FOLH1: variants seen among roughly 807,000 people sequenced by gnomAD.
FOLH1 encodes folate hydrolase 1.
In FOLH1, 54 loss-of-function variants were observed where a neutral mutation model predicts 93.9. That is an observed-to-expected ratio of 0.57 (90% CI 0.46 to 0.72). The LOEUF (loss-of-function observed/expected upper bound fraction) is 0.72, where lower values mean the gene tolerates loss of function less well. Among genes scored for constraint, FOLH1 ranks in the 30% least tolerant of loss-of-function variants. The probability of loss-of-function intolerance (pLI) is 0.00; values close to 1 mark genes in which losing one functional copy is unlikely to be tolerated. For synonymous variants in FOLH1, 249 were observed against 303.6 expected (o/e 0.82, Z 1.87); for missense variants, 571 against 892.5 (o/e 0.64, Z 4.59).
chr11:49,159,631 A>C (rs1857435188), intron 13 of FOLH1, among the ~76,000 whole-genome samples: 1 of 152,174 alleles, frequency 6.6e-6, no homozygotes, highest in Non-Finnish European at 1.5e-5. Flanking sequence ...TATTGGGATG[A>C]TGCTGGCCTC....
chr11:49,207,220 A>G (rs1233500267), intron 1 of FOLH1, among the ~76,000 whole-genome samples: 2 of 151,992 alleles, frequency 1.3e-5, no homozygotes, highest in South Asian at 2.1e-4. Flanking sequence ...AGGGGAGAGC[A>G]GAGAATCCTA....
At chr11:49,175,396 G>C (rs1159768146) in intron 8 of FOLH1, among the ~76,000 whole-genome samples, 1 of 152,138 alleles carries the variant, frequency 6.6e-6, no homozygotes, top group African/African-American at 2.4e-5. Context: ...AAAGTGATAT[G>C]CCTCAGTCTT....
intron 3 of FOLH1, among the ~76,000 whole-genome samples, chr11:49,199,892 C>T (rs1863081989): frequency 1.3e-5 from 2 of 149,984 alleles, no homozygotes; most frequent in South Asian, 2.1e-4. Flanking sequence ...GCCTGCCTGA[C>T]AGGAGTGAAA....
intron 7 of FOLH1, among the ~76,000 whole-genome samples, chr11:49,178,164 C>T (rs1860321676): frequency 1.3e-5 from 2 of 152,196 alleles, no homozygotes; most frequent in Admixed American, 6.5e-5. Context: ...GCAAATGACA[C>T]ACCTGGTCTA....
intron 4 of FOLH1, among the ~76,000 whole-genome samples, chr11:49,188,123 C>G (rs1360803944): frequency 6.6e-6 from 1 of 152,158 alleles, no homozygotes; most frequent in Non-Finnish European, 1.5e-5. Context: ...TTATTAATCA[C>G]TGTCAAATTT....
At chr11:49,149,513 A>G (rs540329137) in intron 17 of FOLH1, among the ~76,000 whole-genome samples, 2 of 152,278 alleles carry the variant, frequency 1.3e-5, no homozygotes, top group South Asian at 4.1e-4. Context: ...AATTATATAA[A>G]ATAGAAAATG....
At chr11:49,163,507 C>T (rs1410596390) in intron 13 of FOLH1, among the ~76,000 whole-genome samples, 1 of 149,618 alleles carries the variant, frequency 6.7e-6, no homozygotes, top group Admixed American at 6.7e-5. Flanking sequence ...CCCTGCCCCC[C>T]ACCACCACCC....
intron 2 of FOLH1, among the ~76,000 whole-genome samples, chr11:49,203,440 T>A (rs1863495755): frequency 6.6e-6 from 1 of 152,102 alleles, no homozygotes; most frequent in Admixed American, 6.6e-5. Context: ...GAACAAAAGA[T>A]TTTAAAGGGG....
chr11:49,148,267 A>G (rs1353642345), intron 18 of FOLH1, among the ~76,000 whole-genome samples: 1 of 151,038 alleles, frequency 6.6e-6, no homozygotes, highest in African/African-American at 2.4e-5. Context: ...CTGTGTATAC[A>G]TAAGTAAAAA....
At chr11:49,197,946 C>T (rs1401837201) in intron 3 of FOLH1, among the ~76,000 whole-genome samples, 1 of 151,800 alleles carries the variant, frequency 6.6e-6, no homozygotes, top group Middle Eastern at 3.2e-3. Flanking sequence ...TGGTTATGTA[C>T]ATATATAACT....
chr11:49,163,942 T>C (rs1222650945), intron 13 of FOLH1, among the ~76,000 whole-genome samples: 4 of 152,182 alleles, frequency 2.6e-5, no homozygotes, highest in Non-Finnish European at 4.4e-5. Context: ...GGAGGTTCCC[T>C]TGACTCTGTG....
At chr11:49,169,353 A>G in intron 11 of FOLH1, 95 bp from the exon 12 acceptor site, 1 of 1,253,416 alleles carries the variant, frequency 8.0e-7, no homozygotes, top group Non-Finnish European at 1.1e-6. Context: ...TAGATTTCTA[A>G]TTGAGCTGAC....
intron 3 of FOLH1, among the ~76,000 whole-genome samples, chr11:49,198,143 G>T (rs1862827552): frequency 6.7e-6 from 1 of 149,656 alleles, no homozygotes; most frequent in Non-Finnish European, 1.5e-5. Flanking sequence ...ATAAGCAATG[G>T]TATAGTCAAA....
chr11:49,169,171 T>G, intron 12 of FOLH1, 24 bp downstream of exon 12: 1 of 1,610,888 alleles, frequency 6.2e-7, no homozygotes, highest in Non-Finnish European at 8.5e-7. Flanking sequence ...TCACATCTTT[T>G]CTTATGAGAC....
At chr11:49,205,486 T>C (rs554987013) in intron 2 of FOLH1, among the ~76,000 whole-genome samples, 2 of 152,244 alleles carry the variant, frequency 1.3e-5, no homozygotes, top group African/African-American at 2.4e-5. Context: ...AGGTTAAGTA[T>C]TCATCCAAAG....
Position 49,158,049 on chromosome 11 carries a change from C to T in FOLH1, c.1441-6G>A. 1 of 1,550,820 alleles carries T rather than the reference C, an allele frequency of 6.4e-7. No individual in the cohort carries two copies. Among genetic ancestry groups the T allele is most frequent in the Non-Finnish European group, 8.7e-7 (1 of 1,148,728 alleles). ...CCTTCATCAGGGCTTTTCAGCTACA[C>T]AAATTAAAAGAAAAAAAGAGAATAC... On this transcript the variant is annotated splice_polypyrimidine_tract_variant and splice_region_variant and intron_variant, in intron 13 of 18. Transcript: ENST00000256999.
intron 10 of FOLH1, among the ~76,000 whole-genome samples, chr11:49,173,055 A>G (rs1326538752): frequency 6.6e-6 from 1 of 152,168 alleles, no homozygotes; most frequent in Non-Finnish European, 1.5e-5. Flanking sequence ...ATCTAATTTC[A>G]GTGTGTTTTC....
At chr11:49,147,393 G>C (rs1409297520) in intron 18 of FOLH1, among the ~76,000 whole-genome samples, 1 of 151,850 alleles carries the variant, frequency 6.6e-6, no homozygotes, top group Admixed American at 6.6e-5. Context: ...CTATATTATA[G>C]CACAATTGTA....
In FOLH1 at chr11:49,173,514, G is replaced by A. The variant is rs370469505; in HGVS notation, c.1106-38C>T. The A allele has an allele frequency of 7.0e-6, 9 of 1,292,080 alleles. No homozygotes were observed. In the South Asian group the frequency reaches 1.0e-4, roughly 15 times the overall value. 80.0% of individuals were successfully genotyped at this position (1,292,080 alleles called of 1,614,324 possible). ...GATACAAGATTATTTGTCATTTCAG[G>A]TCAATAAAAGAGAAAATTGCAAATG... On this transcript the variant is annotated intron_variant, in intron 9 of 18. Transcript: ENST00000256999.
Sources: allele counts gnomAD v4.1 joint callset (sites outside exome capture counted in the v4.1 genomes callset), GRCh38; gene constraint gnomAD v4.1.1; transcripts MANE v1.5; gene names NCBI Gene and HGNC (gene_info 2026-07-23, HGNC 2026-07-21).